Variants in INO80E observed in about 807,000 individuals in gnomAD.
The protein encoded by INO80E is INO80 complex subunit E.
A neutral mutation model predicts 27.3 loss-of-function variants in INO80E; 20 were observed. That is an observed-to-expected ratio of 0.73 (90% CI 0.51 to 1.06). The LOEUF (loss-of-function observed/expected upper bound fraction) is 1.06. Among genes scored for constraint, INO80E ranks in the 50% least tolerant of loss-of-function variants. The probability of loss-of-function intolerance (pLI) is 0.00; values close to 1 mark genes in which losing one functional copy is unlikely to be tolerated. For missense variants in INO80E, 357 were observed against 322.8 expected, an observed-to-expected ratio of 1.11 and a Z score of -0.81; for synonymous variants, 167 against 145.9, an observed-to-expected ratio of 1.14 and a Z score of -1.04.
chr16:29,998,023 T>A (rs371126292), intron 3 of INO80E, among the ~76,000 whole-genome samples: 1 of 151,470 alleles, frequency 6.6e-6, no homozygotes, highest in Non-Finnish European at 1.5e-5. Context: ...AAGGCTGCAG[T>A]GAGCCATGAT....
rs1272242865 is a variant in INO80E, at chr16:30,000,919, C to CT, written c.285-7dup. The CT allele has an allele frequency of 3.7e-6, 6 of 1,605,432 alleles. No individual in the cohort carries two copies. Among genetic ancestry groups the CT allele is most frequent in the Non-Finnish European group, 5.1e-6 (6 of 1,173,568 alleles). On this transcript the variant is annotated splice_polypyrimidine_tract_variant and intron_variant, in intron 4 of 6. Coordinates refer to ENST00000563197, the MANE Select transcript of INO80E (RefSeq NM_173618.3). ...TAGCCACATCTGACCTCGCCCTGTC[C>CT]TTTCTCCAGGAAGAGAAGCCCTCCG...
chr16:29,997,526 T>G (rs1481168070), intron 3 of INO80E, among the ~76,000 whole-genome samples: 1 of 151,468 alleles, frequency 6.6e-6, no homozygotes, highest in African/African-American at 2.4e-5. Context: ...GAGGCCGAGG[T>G]GGGCGGATCA....
chr16:30,005,307 G>GGGCCC lies in INO80E; in HGVS notation c.600_601insGGCCC (p.Thr201GlyfsTer16). Reference sequence around the variant, plus strand: ...CTGGGGCTGGGGTCGGGACAACCCTGACCCCCCTCCCACCCCCTAAGATGC... The same window carrying GGGCCC: ...CTGGGGCTGGGGTCGGGACAACCCTGGGCCCACCCCCCTCCCACCCCCTAAGATGC... On this transcript the variant is annotated frameshift_variant, in exon 7 of 7. Coordinates refer to ENST00000563197, the MANE Select transcript of INO80E (RefSeq NM_173618.3). LOFTEE classifies it high-confidence loss of function. The GGGCCC allele has an allele frequency of 7.2e-7, 1 of 1,387,156 alleles. No individual in the cohort carries two copies. Among genetic ancestry groups the GGGCCC allele is most frequent in the Non-Finnish European group, 9.4e-7 (1 of 1,068,426 alleles). 85.9% of individuals were successfully genotyped at this position (1,387,156 alleles called of 1,614,324 possible). A position where few individuals can be genotyped will look rare whatever the true frequency, so the allele number is the denominator to read the frequency against.
Position 30,000,783 on chromosome 16 carries a change from TAAC to T in INO80E, c.233_235del (p.Asn78del), listed in dbSNP as rs780292011. 7 of 1,614,104 alleles carry T rather than the reference TAAC, an allele frequency of 4.3e-6. No homozygotes were observed. The East Asian group carries it at 1.3e-4, about 31-fold the overall frequency. On this transcript the variant is annotated inframe_deletion, in exon 4 of 7. Transcript: ENST00000563197. Reference sequence around the variant, plus strand: ...ACTCAGATGCCACTGCATCATCAGATAACAGCGAGACGGAGGGGACACCCAAGT... The same window carrying T: ...ACTCAGATGCCACTGCATCATCAGATAGCGAGACGGAGGGGACACCCAAGT...
At chr16:29,998,324 A>G (rs986707215) in intron 3 of INO80E, among the ~76,000 whole-genome samples, 7 of 151,654 alleles carry the variant, frequency 4.6e-5, no homozygotes, top group Non-Finnish European at 1.0e-4. Flanking sequence ...CAATCTTGTG[A>G]AGAAGTGGGC....
chr16:29,997,664 G>T (rs1373773530), intron 3 of INO80E, among the ~76,000 whole-genome samples: 1 of 151,030 alleles, frequency 6.6e-6, no homozygotes, highest in African/African-American at 2.4e-5. Context: ...TGAGGCAGGA[G>T]AATCATTTGA....
At chr16:30,000,877 TGGG>T in intron 4 of INO80E, 41 bp downstream of exon 4, 1 of 1,611,740 alleles carries the variant, frequency 6.2e-7, no homozygotes, top group Non-Finnish European at 8.5e-7. Context: ...GAGGGTCAGG[TGGG>T]GCGCCTGGGC....
intron 3 of INO80E, chr16:29,999,407 C>T (rs1463502826): frequency 6.6e-6 from 1 of 152,276 alleles, no homozygotes; most frequent in Non-Finnish European, 1.5e-5. Flanking sequence ...CCTGGAGGCC[C>T]ACGCCCTGGC....
At position 30,005,225 on chromosome 16, in the gene INO80E, C is replaced by T. The variant is rs781773693; in HGVS notation, c.518C>T (p.Ala173Val). 9 of 1,442,806 alleles carry T rather than the reference C, an allele frequency of 6.2e-6. No individual in the cohort carries two copies. The South Asian group carries it at 7.6e-5, about 12-fold the overall frequency. The allele number at this position is 1,442,806 out of a possible 1,614,324, so 89.4% of individuals were successfully genotyped here. A position where few individuals can be genotyped will look rare whatever the true frequency, so the allele number is the denominator to read the frequency against. ...RPRLPRKLKM[A>V]VGPPDCPVGG... ...TGTTTCTTCCCCCTGCTGCAGATGG[C>T]GGTGGGACCCCCCGACTGCCCTGTG... Residue 173 changes from alanine (A) to valine (V), a missense_variant, in exon 7 of 7, where the codon GCG becomes GTG. Ala to Val is a moderately conservative substitution (Grantham distance 64). Transcript: ENST00000563197.
At position 29,999,719 on chromosome 16, in the gene INO80E, A is replaced by G. The variant is rs12444124; in HGVS notation, c.206-1039A>G. Among the ~76,000 whole-genome samples, 1,497 of 152,318 alleles carry G rather than the reference A, an allele frequency of 9.8e-3. 10 individuals are homozygous for G. The highest frequency in any genetic ancestry group is 0.024 in the Middle Eastern group (7 of 294). ...TCAGTGTGCTTTAAAGAATACAGTT[A>G]CGTTAGTTGACCAGAAAGGTACATT... On this transcript the variant is annotated intron_variant, in intron 3 of 6. Transcript: ENST00000563197.
In INO80E at chr16:29,996,302, G is replaced by A. The variant is rs766824921; in HGVS notation, c.-9G>A. 3.8e-6 allele frequency: 6 copies of A among 1,587,074 alleles called. No homozygotes were observed. The highest frequency in any genetic ancestry group is 2.3e-5 in the South Asian group (2 of 87,730). ...AGGGCAGACTCTGGGCGCCACTCCC[G>A]GGCCGGTCATGAACGGGCCGGCGGA... On this transcript the variant is annotated 5_prime_UTR_variant, in exon 1 of 7. Transcript: ENST00000563197.
rs774484869 is a variant in INO80E at position 30,001,286 on chromosome 16, G to T, written c.397-128G>T. 3 of 1,489,906 alleles carry T rather than the reference G, an allele frequency of 2.0e-6. No homozygotes were observed. The South Asian group carries it at 4.1e-5, about 20-fold the overall frequency. 92.3% of individuals were successfully genotyped at this position (1,489,906 alleles called of 1,614,324 possible). On this transcript the variant is annotated intron_variant, in intron 5 of 6. Transcript: ENST00000563197. ...GCTGCTGCCCGGCCCTTCTGTGCTC[G>T]GGAGCCCCGGGAGCCGCACTCATCA... is the stretch of plus-strand genomic sequence containing the variant.
At position 30,005,453 on chromosome 16, in the gene INO80E, A is replaced by C. The variant is rs971280798; in HGVS notation, c.*11A>C. 1 of 1,588,774 alleles carries C rather than the reference A, an allele frequency of 6.3e-7. No individual in the cohort carries two copies. The highest frequency in any genetic ancestry group is 8.6e-7 in the Non-Finnish European group (1 of 1,168,298). On this transcript the variant is annotated 3_prime_UTR_variant, in exon 7 of 7. Transcript: ENST00000563197. Reference sequence around the variant, plus strand: ...GACATCCCGGAGTGACCGTGACATCACGCCATGCCCACCACGGCCCCGCCC... The same window carrying C: ...GACATCCCGGAGTGACCGTGACATCCCGCCATGCCCACCACGGCCCCGCCC...
chr16:29,999,102 CGT>C (rs1443860347), intron 3 of INO80E, among the ~76,000 whole-genome samples: 1 of 151,560 alleles, frequency 6.6e-6, no homozygotes, highest in Non-Finnish European at 1.5e-5. Context: ...CAGCCAGCCA[CGT>C]TTTAGGACGT....
In INO80E at chr16:30,005,611, G is replaced by C; in HGVS notation, c.*169G>C. The C allele has an allele frequency of 2.9e-6, 2 of 686,764 alleles. No individual in the cohort carries two copies. The highest frequency in any genetic ancestry group is 4.9e-6 in the Non-Finnish European group (2 of 410,044). 42.5% of individuals were successfully genotyped at this position (686,764 alleles called of 1,614,324 possible). On this transcript the variant is annotated 3_prime_UTR_variant, in exon 7 of 7. Transcript: ENST00000563197. ...TGCACGGGTGTCCCCCAGGAGGGTGGCAGGGGCCCTGCCTTCAAACCCCGG... is the reference window on the plus strand; with the variant it reads ...TGCACGGGTGTCCCCCAGGAGGGTGCCAGGGGCCCTGCCTTCAAACCCCGG...
rs2070518956 is a variant in INO80E at position 30,005,207 on chromosome 16, T to C, written c.514-14T>C. 1.4e-6 allele frequency: 2 copies of C among 1,437,446 alleles called. No homozygotes were observed. Among genetic ancestry groups the C allele is most frequent in the South Asian group, 1.6e-5 (1 of 64,318 alleles). 89.0% of individuals were successfully genotyped at this position (1,437,446 alleles called of 1,614,324 possible). ...CCCTGACTAGTCCCCCTGTGTTTCT[T>C]CCCCCTGCTGCAGATGGCGGTGGGA... On this transcript the variant is annotated splice_polypyrimidine_tract_variant and intron_variant, in intron 6 of 6. Coordinates refer to ENST00000563197, the MANE Select transcript of INO80E (RefSeq NM_173618.3).
chr16:30,001,291 C>CCCCGGGGCT, intron 5 of INO80E, 123 bp from the exon 6 acceptor site: 1 of 1,491,852 alleles, frequency 6.7e-7, no homozygotes, highest in Non-Finnish European at 9.0e-7. Context: ...TGCTCGGGAG[C>CCCCGGGGCT]CCCGGGAGCC....
chr16:30,005,549 G>C lies in INO80E; in HGVS notation c.*107G>C. On this transcript the variant is annotated 3_prime_UTR_variant, in exon 7 of 7. Transcript: ENST00000563197. Reference sequence around the variant, plus strand: ...GTGTTTATTGATGCCCAGCTGCCATGCTCCGGCCACTGACACAACCAGAAA... The same window carrying C: ...GTGTTTATTGATGCCCAGCTGCCATCCTCCGGCCACTGACACAACCAGAAA... 2.8e-6 allele frequency: 3 copies of C among 1,086,182 alleles called. No homozygotes were observed. The highest frequency in any genetic ancestry group is 4.0e-6 in the Non-Finnish European group (3 of 742,302). 67.3% of individuals were successfully genotyped at this position (1,086,182 alleles called of 1,614,324 possible).
intron 6 of INO80E, among the ~76,000 whole-genome samples, chr16:30,004,889 A>C (rs1335477716): frequency 6.6e-6 from 1 of 151,818 alleles, no homozygotes; most frequent in Non-Finnish European, 1.5e-5. Flanking sequence ...GCAGGCAAGC[A>C]CTCCAGGCCG....
Sources: gnomAD v4.1 joint callset for allele counts (sites outside exome capture counted in the v4.1 genomes callset) on GRCh38, gnomAD v4.1.1 for gene constraint, MANE v1.5 for transcripts, NCBI Gene and HGNC (gene_info 2026-07-23, HGNC 2026-07-21) for gene names.